The following SDK1 variants were observed in gnomAD, a reference collection of about 807,000 sequenced individuals.
The protein encoded by SDK1 is protein sidekick-1.
In SDK1, 157 loss-of-function variants were observed where a neutral mutation model predicts 245.5. The observed-to-expected ratio is 0.64, with a 90% CI of 0.56 to 0.73. SDK1 has a LOEUF of 0.73. SDK1 is among the 30% of genes least tolerant of loss of function. SDK1 has a pLI of 0.00. For synonymous variants in SDK1, 1,647 were observed against 1,278.5 expected (o/e 1.29, Z -6.15); for missense variants, 3,583 against 3,002.3 (o/e 1.19, Z -4.52).
At chr7:3,507,127 G>T (rs1400112839) in intron 1 of SDK1, among the ~76,000 whole-genome samples, 1 of 152,164 alleles carries the variant, frequency 6.6e-6, no homozygotes, top group East Asian at 1.9e-4. Flanking sequence ...GGTGTCTGCT[G>T]AATGCCCTAG....
At chr7:3,800,287 A>T (rs1467753491) in intron 4 of SDK1, among the ~76,000 whole-genome samples, 1 of 152,110 alleles carries the variant, frequency 6.6e-6, no homozygotes, top group Non-Finnish European at 1.5e-5. Flanking sequence ...CTTAGTTCCC[A>T]TTATTCATTG....
chr7:3,323,009 C>T (rs1214944460), intron 1 of SDK1, among the ~76,000 whole-genome samples: 3 of 152,058 alleles, frequency 2.0e-5, no homozygotes, highest in Admixed American at 6.6e-5. Context: ...GCCATGTTGC[C>T]GAGGCTCGTC....
At chr7:3,413,379 A>T (rs1292398152) in intron 1 of SDK1, among the ~76,000 whole-genome samples, 1 of 152,162 alleles carries the variant, frequency 6.6e-6, no homozygotes, top group Non-Finnish European at 1.5e-5. Context: ...TATGGATGTG[A>T]TGTTGAGATT....
chr7:3,562,405 C>G (rs1263401358), intron 1 of SDK1, among the ~76,000 whole-genome samples: 1 of 152,204 alleles, frequency 6.6e-6, no homozygotes, highest in East Asian at 1.9e-4. Context: ...AGATGGTCAA[C>G]TGCATATACT....
intron 4 of SDK1, among the ~76,000 whole-genome samples, chr7:3,793,430 A>C (rs897747403): frequency 3.9e-5 from 6 of 152,186 alleles, no homozygotes; most frequent in African/African-American, 1.4e-4. Flanking sequence ...TTGACGTGAC[A>C]AACGCTGAAT....
intron 4 of SDK1, among the ~76,000 whole-genome samples, chr7:3,805,347 C>T (rs1176256564): frequency 1.3e-5 from 2 of 152,168 alleles, no homozygotes; most frequent in East Asian, 3.8e-4. Context: ...TCACTTTTTC[C>T]TTTCTGACTT....
chr7:3,506,012 CTTAAAT>C (rs1468578827), intron 1 of SDK1, among the ~76,000 whole-genome samples: 1 of 151,994 alleles, frequency 6.6e-6, no homozygotes, highest in Non-Finnish European at 1.5e-5. Context: ...TCAGTTTTCT[CTTAAAT>C]TTAAAAATAA....
intron 1 of SDK1, among the ~76,000 whole-genome samples, chr7:3,542,197 T>C (rs1376507723): frequency 6.6e-6 from 1 of 152,228 alleles, no homozygotes; most frequent in East Asian, 1.9e-4. Context: ...AGATTTCTTA[T>C]TATGTTATGG....
chr7:4,072,673 C>T (rs2128175175), intron 20 of SDK1, among the ~76,000 whole-genome samples: 1 of 152,348 alleles, frequency 6.6e-6, no homozygotes, highest in South Asian at 2.1e-4. Flanking sequence ...GTTGGTGCGG[C>T]ACCACCATGC....
At chr7:3,551,016 T>C (rs28412607) in intron 1 of SDK1, among the ~76,000 whole-genome samples, 38,498 of 152,170 alleles carry the variant, frequency 0.25, 5,089 homozygotes, top group East Asian at 0.35. Context: ...GCTTTTAATA[T>C]ATTTTTTAGA....
intron 5 of SDK1, among the ~76,000 whole-genome samples, chr7:3,851,601 T>G (rs536857518): frequency 6.6e-6 from 1 of 150,446 alleles, no homozygotes; most frequent in African/African-American, 2.5e-5. Flanking sequence ...GCCGGTGTTA[T>G]GAGGATGTGT....
intron 7 of SDK1, among the ~76,000 whole-genome samples, chr7:3,957,354 C>G (rs756882842): frequency 6.6e-6 from 1 of 152,166 alleles, no homozygotes; most frequent in Non-Finnish European, 1.5e-5. Context: ...GTATCCTGAT[C>G]ATGATGTTAT....
At chr7:4,044,127 G>C (rs146667844) in intron 17 of SDK1, among the ~76,000 whole-genome samples, 3 of 152,346 alleles carry the variant, frequency 2.0e-5, no homozygotes, top group Non-Finnish European at 2.9e-5. Flanking sequence ...AGCAGGGCTT[G>C]GATATGTGAC....
chr7:4,174,470 G>A, intron 33 of SDK1, 113 bp downstream of exon 33: 6 of 1,220,636 alleles, frequency 4.9e-6, no homozygotes, highest in Non-Finnish European at 7.0e-6. Context: ...GAGAGAAGAG[G>A]CAGCCCTGCC....
In SDK1 at chr7:3,348,005, G is replaced by C. The variant is rs1234435950; in HGVS notation, c.298+46121G>C. Among the ~76,000 whole-genome samples the C allele has an allele frequency of 2.0e-5, 3 of 151,992 alleles. 1 individual carries two copies. In the South Asian group the frequency reaches 6.2e-4, roughly 32 times the overall value. On this transcript the variant is annotated intron_variant, in intron 1 of 44. Coordinates refer to ENST00000404826, the MANE Select transcript of SDK1 (RefSeq NM_152744.4). ...AAATATGTATAATTCCACAATGAGAGAAGGAGTATTATAACAGAGGATGAG... is the reference window on the plus strand; with the variant it reads ...AAATATGTATAATTCCACAATGAGACAAGGAGTATTATAACAGAGGATGAG...
intron 2 of SDK1, among the ~76,000 whole-genome samples, chr7:3,629,303 AAAAAAAAAGAAAAAAAAG>A (rs199516924): frequency 1.3e-5 from 2 of 148,896 alleles, no homozygotes; most frequent in Non-Finnish European, 3.0e-5. Flanking sequence ...TCAGTCTCAA[AAAAAAAAAGAAAAAAAAG>A]AAAAAAAAGA....
chr7:4,241,758 A>G (rs746184747), intron 42 of SDK1, 35 bp from the exon 43 acceptor site: 8 of 1,613,294 alleles, frequency 5.0e-6, no homozygotes, highest in Non-Finnish European at 6.8e-6. Context: ...CCACACCAGT[A>G]ACACGTCTGT....
At chr7:3,753,889 A>G (rs563325303) in intron 4 of SDK1, among the ~76,000 whole-genome samples, 44 of 152,356 alleles carry the variant, frequency 2.9e-4, no homozygotes, top group African/African-American at 1.1e-3. Context: ...AAATACGTCC[A>G]TGAGAATTCA....
chr7:3,560,163 A>G (rs1378222549), intron 1 of SDK1, among the ~76,000 whole-genome samples: 3 of 152,226 alleles, frequency 2.0e-5, no homozygotes, highest in Non-Finnish European at 2.9e-5. Context: ...GTTACTTATC[A>G]TAAAATATTA....
Sources: gnomAD v4.1 joint callset for allele counts (sites outside exome capture counted in the v4.1 genomes callset) on GRCh38, gnomAD v4.1.1 for gene constraint, MANE v1.5 for transcripts, NCBI Gene and HGNC (gene_info 2026-07-23, HGNC 2026-07-21) for gene names.